Variants in TIAM1 observed in about 807,000 individuals in gnomAD.
TIAM1 encodes TIAM Rac1 associated GEF 1.
In TIAM1, 65 loss-of-function variants were observed where a neutral mutation model predicts 163.5. The observed-to-expected ratio is 0.40, with a 90% confidence interval of 0.33 to 0.49. The LOEUF is 0.49. Among genes scored for constraint, TIAM1 ranks in the 20% least tolerant of loss-of-function variants. The pLI, the probability that TIAM1 is intolerant of heterozygous loss-of-function variation, is 0.77. For missense variants in TIAM1, 1,789 were observed against 2,044.7 expected (o/e 0.87, Z 2.41); for synonymous variants, 833 against 810.1 (o/e 1.03, Z -0.48).
intron 1 of TIAM1, among the ~76,000 whole-genome samples, chr21:31,471,607 T>G (rs1016102729): frequency 6.6e-6 from 1 of 151,926 alleles, no homozygotes; most frequent in Non-Finnish European, 1.5e-5. Flanking sequence ...AGGTGGCTTA[T>G]ACCTGTAATC....
Position 31,272,783 on chromosome 21 carries a change from T to C in TIAM1, c.-12+3949A>G, listed in dbSNP as rs113336019. Reference sequence around the variant, plus strand: ...TTTTAGCTGAAAAGCATCTAGAATATTCTAACATAATTTCAATGAATTAGG... The same window carrying C: ...TTTTAGCTGAAAAGCATCTAGAATACTCTAACATAATTTCAATGAATTAGG... On this transcript the variant is annotated intron_variant, in intron 3 of 27. Transcript: ENST00000541036. 9.8e-3 allele frequency among the ~76,000 whole-genome samples: 1,494 copies of C among 152,216 alleles called. 12 individuals are homozygous for C. Among genetic ancestry groups the C allele is most frequent in the Non-Finnish European group, 0.016 (1,082 of 68,008 alleles).
chr21:31,298,284 CACTCCA>C (rs2074367355), intron 2 of TIAM1, among the ~76,000 whole-genome samples: 1 of 152,196 alleles, frequency 6.6e-6, no homozygotes, highest in African/African-American at 2.4e-5. Context: ...CAAAGTTGGG[CACTCCA>C]ACTCCAACAG....
At chr21:31,410,133 T>A (rs1298156598) in intron 2 of TIAM1, among the ~76,000 whole-genome samples, 3 of 150,576 alleles carry the variant, frequency 2.0e-5, no homozygotes, top group African/African-American at 7.3e-5. Context: ...GTGGAGAGTG[T>A]GAGTGTACAT....
chr21:31,188,542 C>T (rs1204494416), intron 13 of TIAM1, among the ~76,000 whole-genome samples: 6 of 152,026 alleles, frequency 3.9e-5, no homozygotes, highest in Non-Finnish European at 8.8e-5. Flanking sequence ...TTTGAAATGC[C>T]ATCATTCTAC....
chr21:31,142,615 A>G (rs1170272583), intron 20 of TIAM1, among the ~76,000 whole-genome samples: 1 of 144,788 alleles, frequency 6.9e-6, no homozygotes, highest in African/African-American at 2.6e-5. Context: ...TGAGTGACAG[A>G]GGGAGACTCC....
At chr21:31,388,425 A>G (rs1324273397) in intron 2 of TIAM1, among the ~76,000 whole-genome samples, 1 of 151,852 alleles carries the variant, frequency 6.6e-6, no homozygotes, top group African/African-American at 2.4e-5. Flanking sequence ...AGGATCACTT[A>G]AGACCAGGAG....
At chr21:31,410,178 ATG>A (rs533443986) in intron 2 of TIAM1, among the ~76,000 whole-genome samples, 325 of 150,480 alleles carry the variant, frequency 2.2e-3, no homozygotes, top group African/African-American at 7.5e-3. Context: ...AAAAGGGTGT[ATG>A]TGTGAGTGTG....
chr21:31,472,835 T>G (rs2045795367), intron 1 of TIAM1, among the ~76,000 whole-genome samples: 1 of 152,246 alleles, frequency 6.6e-6, no homozygotes, highest in African/African-American at 2.4e-5. Flanking sequence ...AGGATTAATA[T>G]AAGCAGAATG....
At chr21:31,333,906 T>TC (rs959889224) in intron 2 of TIAM1, among the ~76,000 whole-genome samples, 16 of 151,634 alleles carry the variant, frequency 1.1e-4, no homozygotes, top group Non-Finnish European at 1.8e-4. Flanking sequence ...CATACCACCC[T>TC]CCCCCCCAAA....
At chr21:31,385,271 A>C (rs1421419550) in intron 2 of TIAM1, among the ~76,000 whole-genome samples, 2 of 152,198 alleles carry the variant, frequency 1.3e-5, no homozygotes, top group African/African-American at 4.8e-5. Flanking sequence ...CCATTTGACC[A>C]GGCAATGCTG....
In TIAM1 at chr21:31,266,532, C is replaced by T. The variant is rs1362888828; in HGVS notation, c.441G>A (p.Arg147=). Residue 147 remains arginine (R), a synonymous_variant, in exon 4 of 28, where the codon AGG becomes AGA. Coordinates refer to ENST00000541036, the MANE Select transcript of TIAM1 (RefSeq NM_001353694.2). ...DDATYLAEGG[R]RQHSYTSNGP... Reference sequence around the variant, plus strand: ...CATTGGATGTATAGGAATGCTGCCTCCTGCCTCCCTCAGCCAAATATGTAG... The same window carrying T: ...CATTGGATGTATAGGAATGCTGCCTTCTGCCTCCCTCAGCCAAATATGTAG... 1.9e-6 allele frequency: 3 copies of T among 1,614,092 alleles called. No homozygotes were observed. Among genetic ancestry groups the T allele is most frequent in the East Asian group, 4.5e-5 (2 of 44,894 alleles).
intron 14 of TIAM1, among the ~76,000 whole-genome samples, 180 bp downstream of exon 14, chr21:31,186,821 C>T (rs1000714374): frequency 6.6e-6 from 1 of 152,100 alleles, no homozygotes; most frequent in African/African-American, 2.4e-5. Context: ...AGAATATGAC[C>T]TTTCTGGTAC....
At chr21:31,195,155 T>C in intron 13 of TIAM1, 69 bp downstream of exon 13, 2 of 1,321,658 alleles carry the variant, frequency 1.5e-6, no homozygotes, top group East Asian at 2.3e-5. Flanking sequence ...TTTGTTGAAC[T>C]GTAAATAAAT....
At chr21:31,186,921 CAT>C in intron 14 of TIAM1, 78 bp downstream of exon 14, 1 of 1,148,818 alleles carries the variant, frequency 8.7e-7, no homozygotes, top group African/African-American at 1.5e-5. Flanking sequence ...ATCCTTTGGG[CAT>C]ATCTTTCTCC....
At chr21:31,301,420 T>C (rs572446404) in intron 2 of TIAM1, among the ~76,000 whole-genome samples, 67 of 152,334 alleles carry the variant, frequency 4.4e-4, no homozygotes, top group African/African-American at 1.6e-3. Context: ...ATTGGGATTC[T>C]ACAGCACAAA....
At chr21:31,151,207 C>T (rs1486641743) in intron 19 of TIAM1, among the ~76,000 whole-genome samples, 1 of 152,214 alleles carries the variant, frequency 6.6e-6, no homozygotes, top group East Asian at 1.9e-4. Context: ...CCCAACCATT[C>T]CCTTCCTGGG....
intron 20 of TIAM1, among the ~76,000 whole-genome samples, chr21:31,144,470 A>T (rs1280344567): frequency 6.6e-6 from 1 of 152,218 alleles, no homozygotes; most frequent in Non-Finnish European, 1.5e-5. Context: ...TCCGCGATGA[A>T]CATGAACATG....
At position 31,423,726 on chromosome 21, in the gene TIAM1, A is replaced by G. The variant is rs540367777; in HGVS notation, c.-369+40257T>C. Among the ~76,000 whole-genome samples the G allele has an allele frequency of 6.8e-5, 10 of 147,942 alleles. No homozygotes were observed. The South Asian group carries it at 2.1e-3, about 32-fold the overall frequency. On this transcript the variant is annotated intron_variant, in intron 2 of 28. Coordinates refer to the TIAM1 transcript ENST00000286827. ...AAAAAAAAAAAAAAAAAAAAAAAAA[A>G]AAACCTTGAAAACATTATGCTACGT...
intron 1 of TIAM1, among the ~76,000 whole-genome samples, chr21:31,493,957 C>T (rs150166773): frequency 1.5e-4 from 23 of 152,254 alleles, no homozygotes; most frequent in East Asian, 1.2e-3. Context: ...CTCTGTCACC[C>T]GGGCTGGAGT....
Sources: gnomAD v4.1 joint callset for allele counts (sites outside exome capture counted in the v4.1 genomes callset) on GRCh38, gnomAD v4.1.1 for gene constraint, MANE v1.5 for transcripts, NCBI Gene and HGNC (gene_info 2026-07-23, HGNC 2026-07-21) for gene names.